Variants in TCF12 observed in about 807,000 individuals in gnomAD.
The protein encoded by TCF12 is transcription factor 12, also known as DNA-binding protein HTF4.
TCF12 carries 45 observed loss-of-function variants against 86.0 expected under a neutral mutation model. The observed-to-expected ratio is 0.52, with a 90% CI of 0.41 to 0.67. The LOEUF is 0.67. TCF12 is among the 30% of genes least tolerant of loss of function. TCF12 has a pLI of 0.00. For missense variants in TCF12, 881 were observed against 859.9 expected (o/e 1.02, Z -0.31); for synonymous variants, 330 against 299.6 (o/e 1.10, Z -1.05).
intron 19 of TCF12, among the ~76,000 whole-genome samples, chr15:57,275,019 C>T (rs373489656): frequency 6.6e-6 from 1 of 152,230 alleles, no homozygotes; most frequent in Admixed American, 6.5e-5. Flanking sequence ...ATTGGAATTT[C>T]CAGTGGTTCC....
chr15:57,223,671 T>TTTTTTTTTTTTTTA (rs71113084), intron 8 of TCF12, among the ~76,000 whole-genome samples: 1 of 122,446 alleles, frequency 8.2e-6, no homozygotes, highest in Non-Finnish European at 1.6e-5. Context: ...TTTTTTTTTT[T>TTTTTTTTTTTTTTA]AGAAATAGAG....
At chr15:57,004,775 C>T (rs1486043917) in intron 3 of TCF12, among the ~76,000 whole-genome samples, 5 of 151,876 alleles carry the variant, frequency 3.3e-5, no homozygotes, top group Admixed American at 2.0e-4. Context: ...CGTCTGGTCT[C>T]GAACTCCTGA....
intron 8 of TCF12, among the ~76,000 whole-genome samples, chr15:57,223,656 T>TTTTTTTTTTTTTTA (rs2058725424): frequency 9.6e-6 from 1 of 104,108 alleles, no homozygotes; most frequent in Non-Finnish European, 2.3e-5. Context: ...TTTTTTTTTT[T>TTTTTTTTTTTTTTA]TTTTTTTTTT....
At chr15:56,981,579 A>G (rs561177759) in intron 3 of TCF12, among the ~76,000 whole-genome samples, 2 of 152,194 alleles carry the variant, frequency 1.3e-5, no homozygotes, top group Non-Finnish European at 2.9e-5. Flanking sequence ...CACTCAAACC[A>G]TAACACTTAT....
At chr15:57,169,248 T>C (rs1039409590) in intron 6 of TCF12, among the ~76,000 whole-genome samples, 3 of 152,216 alleles carry the variant, frequency 2.0e-5, no homozygotes. Context: ...AAATCTAAGA[T>C]AGCAGCTTAG....
chr15:57,220,595 G>A (rs1026010118), intron 8 of TCF12, among the ~76,000 whole-genome samples: 3 of 151,656 alleles, frequency 2.0e-5, no homozygotes, highest in Admixed American at 6.6e-5. Flanking sequence ...ATACTTTTTT[G>A]TTTTGCTAAA....
chr15:57,172,262 A>C (rs2055566448), intron 6 of TCF12, among the ~76,000 whole-genome samples: 1 of 152,234 alleles, frequency 6.6e-6, no homozygotes, highest in African/African-American at 2.4e-5. Flanking sequence ...GATAGAATTA[A>C]AGAGAGAGAT....
chr15:57,133,208 T>G (rs1040505120), intron 5 of TCF12, among the ~76,000 whole-genome samples: 7 of 152,380 alleles, frequency 4.6e-5, no homozygotes, highest in Non-Finnish European at 8.8e-5. Flanking sequence ...ACCATTGATC[T>G]GAGCCTGAAC....
intron 6 of TCF12, among the ~76,000 whole-genome samples, chr15:57,175,674 TTGATACTG>T (rs1364270575): frequency 6.6e-6 from 1 of 152,202 alleles, no homozygotes; most frequent in Non-Finnish European, 1.5e-5. Flanking sequence ...AACAAGAAAG[TTGATACTG>T]TATTGTATTC....
chr15:57,283,915 A>G (rs1217300591), intron 20 of TCF12, among the ~76,000 whole-genome samples: 1 of 152,214 alleles, frequency 6.6e-6, no homozygotes, highest in African/African-American at 2.4e-5. Context: ...CATTTAGGGT[A>G]AAAGAAAAGA....
Position 57,119,995 on chromosome 15 carries a change from A to G in TCF12, c.325+28104A>G, listed in dbSNP as rs186752481. On this transcript the variant is annotated intron_variant, in intron 5 of 20. Transcript: ENST00000333725. ...AGGTCCTACTACTATTTACCTGCTT[A>G]TAATTACACATTTAGTTTGAAGTGT... 2.6e-5 allele frequency among the ~76,000 whole-genome samples: 4 copies of G among 152,306 alleles called. No homozygotes were observed. The East Asian group carries it at 7.7e-4, about 29-fold the overall frequency.
rs188382628 is a variant in TCF12 at position 57,219,443 on chromosome 15, T to A, written c.580-11709T>A. The A allele has an allele frequency of 3.0e-3, 4,601 of 1,529,980 alleles. 12 individuals carry two copies. Among genetic ancestry groups the A allele is most frequent in the Non-Finnish European group, 3.7e-3 (4,155 of 1,124,510 alleles). 94.8% of individuals were successfully genotyped at this position (1,529,980 alleles called of 1,614,324 possible). A position where few individuals can be genotyped will look rare whatever the true frequency, so the allele number is the denominator to read the frequency against. ...TGAATGCATAGTACTGAAGACTTAC[T>A]CCCTTTGCCTGTGTGGATATATGTC... is the stretch of plus-strand genomic sequence containing the variant. On this transcript the variant is annotated intron_variant, in intron 8 of 20. Transcript: ENST00000333725.
intron 3 of TCF12, among the ~76,000 whole-genome samples, chr15:56,978,329 A>G (rs542774099): frequency 1.4e-4 from 22 of 152,340 alleles, no homozygotes; most frequent in Non-Finnish European, 2.9e-4. Context: ...TCCAGACAAA[A>G]CAATAAATTT....
intron 3 of TCF12, among the ~76,000 whole-genome samples, chr15:56,961,866 G>T (rs1247839666): frequency 1.3e-5 from 2 of 152,086 alleles, no homozygotes; most frequent in Non-Finnish European, 2.9e-5. Flanking sequence ...TAATGGGCCG[G>T]GCGCGGTGGC....
At chr15:57,221,540 A>AG (rs1269523524) in intron 8 of TCF12, among the ~76,000 whole-genome samples, 1 of 145,740 alleles carries the variant, frequency 6.9e-6, no homozygotes, top group African/African-American at 2.6e-5. Context: ...CTACATTGGG[A>AG]GGGGGGTAGG....
intron 3 of TCF12, among the ~76,000 whole-genome samples, chr15:56,963,990 C>G (rs370636343): frequency 5.9e-5 from 9 of 152,212 alleles, no homozygotes; most frequent in African/African-American, 2.2e-4. Context: ...AAGCATACAT[C>G]TGTAGACTAG....
Position 57,206,900 on chromosome 15 carries a change from A to G in TCF12, c.579+9075A>G, listed in dbSNP as rs528660827. On this transcript the variant is annotated intron_variant, in intron 8 of 20. Coordinates refer to ENST00000333725, the MANE Select transcript of TCF12 (RefSeq NM_207037.2). The stretch of plus-strand genomic sequence containing the variant: ...GAGCCTAGAAGTTCAAGACCAGCCT[A>G]GGCAACATAGCAAGACCCTGTCTCT... Among the ~76,000 whole-genome samples the G allele has an allele frequency of 1.2e-3, 182 of 146,496 alleles. 2 individuals are homozygous for G. Among genetic ancestry groups the G allele is most frequent in the South Asian group, 8.8e-4 (4 of 4,568 alleles).
intron 3 of TCF12, among the ~76,000 whole-genome samples, chr15:56,997,689 C>G (rs2063787639): frequency 6.6e-6 from 1 of 152,016 alleles, no homozygotes; most frequent in African/African-American, 2.4e-5. Flanking sequence ...AATGAGAAAA[C>G]AAATAATAAA....
At chr15:56,980,418 G>A (rs1443503421) in intron 3 of TCF12, among the ~76,000 whole-genome samples, 4 of 152,064 alleles carry the variant, frequency 2.6e-5, no homozygotes, top group Admixed American at 6.5e-5. Flanking sequence ...GTAAGAATCC[G>A]GGCAGTGTGC....
Sources: gnomAD v4.1 joint callset for allele counts (sites outside exome capture counted in the v4.1 genomes callset) on GRCh38, gnomAD v4.1.1 for gene constraint, MANE v1.5 for transcripts, NCBI Gene and HGNC (gene_info 2026-07-23, HGNC 2026-07-21) for gene names.